The following ATXN10 variants were observed in gnomAD, a reference collection of about 807,000 sequenced individuals.
ATXN10 encodes the protein ataxin-10.
ATXN10 carries 28 observed loss-of-function variants against 52.9 expected under a neutral mutation model. The observed-to-expected ratio is 0.53, with a 90% CI of 0.39 to 0.73. The LOEUF (loss-of-function observed/expected upper bound fraction) is 0.73. ATXN10 is among the 30% of genes least tolerant of loss of function. ATXN10 has a pLI of 0.00. For missense variants in ATXN10, 565 were observed against 577.0 expected (o/e 0.98, Z 0.21); for synonymous variants, 226 against 221.5 (o/e 1.02, Z -0.18).
At position 45,712,417 on chromosome 22, in the gene ATXN10, G is replaced by A. The variant is rs1924284885; in HGVS notation, c.648-5996G>A. 1.3e-5 allele frequency among the ~76,000 whole-genome samples: 2 copies of A among 152,158 alleles called. No individual in the cohort carries two copies. Among genetic ancestry groups the A allele is most frequent in the African/African-American group, 4.8e-5 (2 of 41,438 alleles). ...TAGTTTAATTTCTTTGATTTTTGTT[G>A]GAGTTGAATTCTGATACATTATTAC... On this transcript the variant is annotated intron_variant, in intron 5 of 11. Transcript: ENST00000252934. This position sits in a 1 kb window ranked among gnomAD's most constrained non-coding sequence, Gnocchi z 4.6.
In ATXN10 at chr22:45,769,252, A is replaced by G. The variant is rs952768516; in HGVS notation, c.1173+28714A>G. 1.3e-5 allele frequency among the ~76,000 whole-genome samples: 2 copies of G among 152,188 alleles called. No individual in the cohort carries two copies. Among genetic ancestry groups the G allele is most frequent in the African/African-American group, 4.8e-5 (2 of 41,444 alleles). On this transcript the variant is annotated intron_variant, in intron 9 of 11. Coordinates refer to ENST00000252934, the MANE Select transcript of ATXN10 (RefSeq NM_013236.4). The surrounding 1 kb of genome is among the most constrained non-coding windows in gnomAD (Gnocchi z 4.2). The stretch of plus-strand genomic sequence containing the variant: ...ATGGAATCTGAAAGGCAGCTTTATC[A>G]AAAGAGTAACGTGTGCAGATGGGCG...
intron 9 of ATXN10, among the ~76,000 whole-genome samples, chr22:45,751,125 T>C (rs1398485367): frequency 1.3e-5 from 2 of 151,984 alleles, no homozygotes; most frequent in African/African-American, 4.8e-5. Flanking sequence ...GAGACGGGGT[T>C]TCACCATGTT....
intron 9 of ATXN10, among the ~76,000 whole-genome samples, chr22:45,764,082 C>T (rs1159093518): frequency 6.6e-6 from 1 of 152,314 alleles, no homozygotes; most frequent in East Asian, 1.9e-4. Context: ...GAAATCCTTC[C>T]TCACGGTGCA....
intron 10 of ATXN10, among the ~76,000 whole-genome samples, chr22:45,817,762 G>C (rs1928514768): frequency 6.6e-6 from 1 of 152,112 alleles, no homozygotes; most frequent in Non-Finnish European, 1.5e-5. Flanking sequence ...GGCCTCCCAG[G>C]GCCCTGTATG....
chr22:45,826,482 CAT>C lies in ATXN10; in HGVS notation c.1238-16506_1238-16505del, dbSNP rs745776288. ...CCAAGTTAAGATGAACTCAAGGAGA[CAT>C]ATTATAGTCAGAGTTTTGAAAGACA... is the stretch of plus-strand genomic sequence containing the variant. On this transcript the variant is annotated intron_variant, in intron 10 of 11. Coordinates refer to ENST00000252934, the MANE Select transcript of ATXN10 (RefSeq NM_013236.4). This position sits in a 1 kb window ranked among gnomAD's most constrained non-coding sequence, Gnocchi z 5.0. 1.2e-4 allele frequency among the ~76,000 whole-genome samples: 18 copies of C among 152,132 alleles called. No homozygotes were observed. Among genetic ancestry groups the C allele is most frequent in the Non-Finnish European group, 2.1e-4 (14 of 68,024 alleles).
intron 5 of ATXN10, among the ~76,000 whole-genome samples, chr22:45,717,162 C>T (rs969683274): frequency 2.0e-5 from 3 of 152,062 alleles, no homozygotes; most frequent in African/African-American, 4.8e-5. Flanking sequence ...GATCTTCTTG[C>T]CCCCTGTCTG....
At chr22:45,675,056 A>G (rs1922627970) in intron 1 of ATXN10, 1 of 152,214 alleles carries the variant, frequency 6.6e-6, no homozygotes, top group Non-Finnish European at 1.5e-5. Context: ...GAGGATCTGT[A>G]ATATTATATG....
rs1925926148 is a variant in ATXN10 at position 45,750,985 on chromosome 22, C to G, written c.1173+10447C>G. ...TTGCTTTGTTGCCCAGGCTGGAGTG[C>G]AGTGGTGTGATCTCAGCTCACTGCA... On this transcript the variant is annotated intron_variant, in intron 9 of 11. Transcript: ENST00000252934. The surrounding 1 kb of genome is among the most constrained non-coding windows in gnomAD (Gnocchi z 4.2). Among the ~76,000 whole-genome samples the G allele has an allele frequency of 6.6e-6, 1 of 151,710 alleles. No individual in the cohort carries two copies. Among genetic ancestry groups the G allele is most frequent in the Non-Finnish European group, 1.5e-5 (1 of 67,940 alleles).
chr22:45,766,041 G>A lies in ATXN10; in HGVS notation c.1173+25503G>A, dbSNP rs1005719897. Among the ~76,000 whole-genome samples the A allele has an allele frequency of 2.0e-5, 3 of 152,166 alleles. No individual in the cohort carries two copies. The highest frequency in any genetic ancestry group is 2.9e-5 in the Non-Finnish European group (2 of 68,036). Reference sequence around the variant, plus strand: ...GTGAAGGGGCTGACAGGCTAATGGGGCACAGTAGAAAAATGCAGAAATAGA... The same window carrying A: ...GTGAAGGGGCTGACAGGCTAATGGGACACAGTAGAAAAATGCAGAAATAGA... On this transcript the variant is annotated intron_variant, in intron 9 of 11. Transcript: ENST00000252934. The surrounding 1 kb of genome is among the most constrained non-coding windows in gnomAD (Gnocchi z 4.6).
chr22:45,678,931 T>C lies in ATXN10; in HGVS notation c.116+6752T>C, dbSNP rs750105433. 1 of 152,218 alleles carries C rather than the reference T, an allele frequency of 6.6e-6. No individual in the cohort carries two copies. Among genetic ancestry groups the C allele is most frequent in the Non-Finnish European group, 1.5e-5 (1 of 68,044 alleles). 9.4% of individuals were successfully genotyped at this position (152,218 alleles called of 1,614,324 possible). ...TAATACATTTGTAATTTGCTAAAAA[T>C]GTATATTTGTAATTTATATTTACAA... On this transcript the variant is annotated intron_variant, in intron 1 of 11. Coordinates refer to ENST00000252934, the MANE Select transcript of ATXN10 (RefSeq NM_013236.4). The surrounding 1 kb of genome is among the most constrained non-coding windows in gnomAD (Gnocchi z 4.1).
intron 9 of ATXN10, among the ~76,000 whole-genome samples, chr22:45,773,089 G>C (rs1926830344): frequency 6.6e-6 from 1 of 152,188 alleles, no homozygotes; most frequent in African/African-American, 2.4e-5. Context: ...TGTATAACAT[G>C]TGGTGGGGGA....
chr22:45,678,505 A>C lies in ATXN10; in HGVS notation c.116+6326A>C, dbSNP rs1251866100. 3 of 152,200 alleles carry C rather than the reference A, an allele frequency of 2.0e-5. No homozygotes were observed. The East Asian group carries it at 5.8e-4, about 29-fold the overall frequency. 9.4% of individuals were successfully genotyped at this position (152,200 alleles called of 1,614,324 possible). A position where few individuals can be genotyped will look rare whatever the true frequency, so the allele number is the denominator to read the frequency against. ...TTTGGAGTAGAGGGGATGTGTTTAAAATGTGAACTCCTCCCTCACTGCTAT... is the reference window on the plus strand; with the variant it reads ...TTTGGAGTAGAGGGGATGTGTTTAACATGTGAACTCCTCCCTCACTGCTAT... On this transcript the variant is annotated intron_variant, in intron 1 of 11. Transcript: ENST00000252934. This position sits in a 1 kb window ranked among gnomAD's most constrained non-coding sequence, Gnocchi z 4.1.
rs1449268904 is a variant in ATXN10, at chr22:45,823,664, A to T, written c.1237+16642A>T. 6.6e-6 allele frequency among the ~76,000 whole-genome samples: 1 copy of T among 152,176 alleles called. No individual in the cohort carries two copies. Among genetic ancestry groups the T allele is most frequent in the Non-Finnish European group, 1.5e-5 (1 of 68,032 alleles). On this transcript the variant is annotated intron_variant, in intron 10 of 11. Transcript: ENST00000252934. This position sits in a 1 kb window ranked among gnomAD's most constrained non-coding sequence, Gnocchi z 4.9. ...AATTTTGAATGTTAACCAACTTTTC[A>T]TATATTATCCTTCTTATATGTTGCT...
At position 45,747,166 on chromosome 22, in the gene ATXN10, A is replaced by G. The variant is rs537140300; in HGVS notation, c.1173+6628A>G. ...TGTTTTTCCTTCTTTATAGGAACCT[A>G]ACTCTGCCTGTCTAATTGGGGAATT... is the stretch of plus-strand genomic sequence containing the variant. On this transcript the variant is annotated intron_variant, in intron 9 of 11. Transcript: ENST00000252934. 2.0e-5 allele frequency among the ~76,000 whole-genome samples: 3 copies of G among 152,220 alleles called. No individual in the cohort carries two copies. The East Asian group carries it at 5.8e-4, about 29-fold the overall frequency.
rs1225158125 is a variant in ATXN10, at chr22:45,788,066, T to C, written c.1174-18893T>C. Among the ~76,000 whole-genome samples the C allele has an allele frequency of 2.0e-5, 3 of 152,124 alleles. No homozygotes were observed. In the South Asian group the frequency reaches 6.2e-4, roughly 32 times the overall value. On this transcript the variant is annotated intron_variant, in intron 9 of 11. Coordinates refer to ENST00000252934, the MANE Select transcript of ATXN10 (RefSeq NM_013236.4). ...CCTTTATGTCCTGAGCCCTTTGCTG[T>C]CTCCATCTACCCGCTTTAGGAGATT... is the stretch of plus-strand genomic sequence containing the variant.
At chr22:45,674,929 A>G (rs1225106942) in intron 1 of ATXN10, 1 of 152,160 alleles carries the variant, frequency 6.6e-6, no homozygotes, top group Non-Finnish European at 1.5e-5. Flanking sequence ...ATGCAGTGGG[A>G]AGAGCAGTGG....
rs1299458959 is a variant in ATXN10 at position 45,678,136 on chromosome 22, A to T, written c.116+5957A>T. The T allele has an allele frequency of 1.3e-5, 2 of 152,172 alleles. No individual in the cohort carries two copies. Among genetic ancestry groups the T allele is most frequent in the Admixed American group, 6.5e-5 (1 of 15,274 alleles). 9.4% of individuals were successfully genotyped at this position (152,172 alleles called of 1,614,324 possible). On this transcript the variant is annotated intron_variant, in intron 1 of 11. Coordinates refer to ENST00000252934, the MANE Select transcript of ATXN10 (RefSeq NM_013236.4). This position sits in a 1 kb window ranked among gnomAD's most constrained non-coding sequence, Gnocchi z 4.1. ...AGTTTCTATTTGGGTGTTAAAAAAA[A>T]TTTTGGAAGTAGAGGTGATAGTTGT...
intron 1 of ATXN10, among the ~76,000 whole-genome samples, chr22:45,682,533 C>T (rs1922970061): frequency 6.6e-6 from 1 of 152,162 alleles, no homozygotes; most frequent in African/African-American, 2.4e-5. Flanking sequence ...TGGTCTTGAA[C>T]TCCTGGCCTC....
chr22:45,764,971 C>G (rs1479671609), intron 9 of ATXN10, among the ~76,000 whole-genome samples: 1 of 152,180 alleles, frequency 6.6e-6, no homozygotes, highest in Non-Finnish European at 1.5e-5. Flanking sequence ...TAATTCCCAA[C>G]AGTCATTGTC....
Sources: allele counts gnomAD v4.1 joint callset (sites outside exome capture counted in the v4.1 genomes callset), GRCh38; gene constraint gnomAD v4.1.1; non-coding constraint Gnocchi (gnomAD v3.1); transcripts MANE v1.5; gene names NCBI Gene and HGNC (gene_info 2026-07-23, HGNC 2026-07-21).